NELL2: variants seen among roughly 807,000 people sequenced by gnomAD.
NELL2 encodes the protein protein kinase C-binding protein NELL2.
A neutral mutation model predicts 109.6 loss-of-function variants in NELL2; 41 were observed. The observed-to-expected ratio is 0.37, with a 90% CI of 0.29 to 0.49. The LOEUF (loss-of-function observed/expected upper bound fraction) is 0.49, where lower values mean the gene tolerates loss of function less well. NELL2 is among the 20% of genes least tolerant of loss of function. NELL2 has a pLI of 0.98. For missense variants in NELL2, 900 were observed against 1,008.3 expected, an observed-to-expected ratio of 0.89 and a Z score of 1.45; for synonymous variants, 355 against 344.7, an observed-to-expected ratio of 1.03 and a Z score of -0.33.
At chr12:44,521,446 C>T (rs923424291) in intron 18 of NELL2, among the ~76,000 whole-genome samples, 4 of 149,570 alleles carry the variant, frequency 2.7e-5, no homozygotes, top group African/African-American at 7.5e-5. Context: ...AGGAGAATGG[C>T]GTGAACCCGG....
chr12:44,915,366 T>C (rs1485944190), upstream of NELL2, among the ~76,000 whole-genome samples: 1 of 152,252 alleles, frequency 6.6e-6, no homozygotes, highest in Non-Finnish European at 1.5e-5. Flanking sequence ...CATTGCTTTC[T>C]AATTGAATTT....
At chr12:44,580,669 C>T (rs1441004018) in intron 15 of NELL2, among the ~76,000 whole-genome samples, 7 of 152,068 alleles carry the variant, frequency 4.6e-5, no homozygotes, top group African/African-American at 1.2e-4. Context: ...GCCAAAATCG[C>T]GCTACTGCAC....
At chr12:44,784,367 A>G (rs1942082206) in intron 3 of NELL2, among the ~76,000 whole-genome samples, 1 of 152,064 alleles carries the variant, frequency 6.6e-6, no homozygotes, top group African/African-American at 2.4e-5. Context: ...GAAAGAAAAG[A>G]AAAAGAATAC....
At chr12:44,572,140 G>T (rs1943895242) in intron 15 of NELL2, among the ~76,000 whole-genome samples, 1 of 151,718 alleles carries the variant, frequency 6.6e-6, no homozygotes, top group Non-Finnish European at 1.5e-5. Context: ...TTATTCAAAT[G>T]TTATTTATTT....
At chr12:44,832,123 T>TTTC (rs1177189128) in intron 2 of NELL2, among the ~76,000 whole-genome samples, 29 of 152,286 alleles carry the variant, frequency 1.9e-4, no homozygotes, top group Admixed American at 5.2e-4. Flanking sequence ...CTACAAGCAT[T>TTTC]TAAAAATGTA....
intron 13 of NELL2, among the ~76,000 whole-genome samples, chr12:44,621,862 T>C (rs1946073269): frequency 6.6e-6 from 1 of 152,006 alleles, no homozygotes; most frequent in Non-Finnish European, 1.5e-5. Flanking sequence ...TTTCATAGAG[T>C]TGTGAGGCTC....
At position 44,522,171 on chromosome 12, in the gene NELL2, T is replaced by C. The variant is rs1317220523; in HGVS notation, c.2004A>G (p.Gly668=). The C allele has an allele frequency of 1.9e-6, 3 of 1,612,848 alleles. No homozygotes were observed. The highest frequency in any genetic ancestry group is 2.2e-5 in the East Asian group (1 of 44,854). Residue 668 remains glycine (G), a synonymous_variant, in exon 18 of 20, where the codon GGA becomes GGG. Transcript: ENST00000429094. ...DRCSVCSCQN[G]FVMCRRMVCD... ...AGACCATCCGTCGACACATAACGAA[T>C]CCATTCTGTATGAAAAAGAAAAAAA...
rs1165159419 is a variant in NELL2, at chr12:44,875,840, G to T, written c.30C>A (p.Phe10Leu). 5.0e-6 allele frequency: 8 copies of T among 1,613,970 alleles called. No individual in the cohort carries two copies. The Admixed American group carries it at 8.3e-5, about 17-fold the overall frequency. The change falls in exon 1 of 20, where the codon TTC (phenylalanine) becomes TTA (leucine). Residue 10 changes from phenylalanine (F) to leucine (L), a missense_variant. Around this residue, in one of 4 missense-constraint regions of NELL2, gnomAD observed 200 missense variants for 191.8 expected, o/e 1.04. Transcript: ENST00000429094. MESRVLLRTFCLIFGLGAVW... is the reference protein window; with the variant it reads MESRVLLRTLCLIFGLGAVW... ...CTGCTCCGAGACCGAAGATCAAACA[G>T]AATGTTCTCAGTAAGACCCGAGACT...
intron 9 of NELL2, among the ~76,000 whole-genome samples, chr12:44,745,055 T>C (rs1473674747): frequency 1.3e-5 from 2 of 152,198 alleles, no homozygotes; most frequent in African/African-American, 4.8e-5. Flanking sequence ...AAATCCTACA[T>C]AAAATACTGG....
chr12:44,804,528 G>A (rs980143583), intron 3 of NELL2, among the ~76,000 whole-genome samples: 5 of 151,706 alleles, frequency 3.3e-5, no homozygotes, highest in African/African-American at 1.2e-4. Context: ...GTAACTAAAG[G>A]AAATAGCAAA....
At chr12:44,792,901 C>T (rs1198020422) in intron 3 of NELL2, among the ~76,000 whole-genome samples, 1 of 152,096 alleles carries the variant, frequency 6.6e-6, no homozygotes, top group Non-Finnish European at 1.5e-5. Flanking sequence ...AATAATAGCA[C>T]AAATTGGCAA....
intron 13 of NELL2, among the ~76,000 whole-genome samples, chr12:44,630,530 C>T (rs1250501489): frequency 6.6e-6 from 1 of 152,124 alleles, no homozygotes; most frequent in African/African-American, 2.4e-5. Context: ...AGATCAACCC[C>T]AGCCACATGG....
chr12:44,895,415 C>A (rs1945581570), intron 1 of NELL2, among the ~76,000 whole-genome samples: 1 of 152,004 alleles, frequency 6.6e-6, no homozygotes, highest in African/African-American at 2.4e-5. Context: ...TTTTCATTTT[C>A]TGCTTCTATT....
chr12:44,572,169 C>T (rs958257356), intron 15 of NELL2, among the ~76,000 whole-genome samples: 2 of 151,942 alleles, frequency 1.3e-5, no homozygotes, highest in South Asian at 2.1e-4. Flanking sequence ...TTAGACAAGG[C>T]CTCACTCTGT....
At chr12:44,551,551 C>T (rs1943045064) in intron 15 of NELL2, among the ~76,000 whole-genome samples, 1 of 152,164 alleles carries the variant, frequency 6.6e-6, no homozygotes, top group Non-Finnish European at 1.5e-5. Context: ...TCTCTCTCCT[C>T]TCTCAATGGC....
At chr12:44,658,709 T>C (rs1356192484) in intron 13 of NELL2, among the ~76,000 whole-genome samples, 1 of 151,344 alleles carries the variant, frequency 6.6e-6, no homozygotes, top group Non-Finnish European at 1.5e-5. Flanking sequence ...ACCCTGTCTC[T>C]ACTAAAAATA....
intron 15 of NELL2, among the ~76,000 whole-genome samples, chr12:44,596,644 A>T (rs915027899): frequency 1.3e-5 from 2 of 152,134 alleles, no homozygotes; most frequent in Non-Finnish European, 2.9e-5. Context: ...TATGTTGCCC[A>T]GGCTGGTCTT....
intron 3 of NELL2, among the ~76,000 whole-genome samples, chr12:44,797,104 A>G (rs1202719511): frequency 6.6e-6 from 1 of 152,170 alleles, no homozygotes; most frequent in Non-Finnish European, 1.5e-5. Context: ...AGCACTGATA[A>G]TAAGTGCGGT....
intron 5 of NELL2, 119 bp downstream of exon 5, chr12:44,779,544 C>A (rs923569224): frequency 3.9e-6 from 3 of 778,870 alleles, no homozygotes; most frequent in Non-Finnish European, 6.1e-6. Context: ...GAAACAGACA[C>A]AAATTTTCTA....
Sources: gnomAD v4.1 joint callset for allele counts (sites outside exome capture counted in the v4.1 genomes callset) on GRCh38, gnomAD v4.1.1 for gene constraint, gnomAD v4.1.1 regional missense constraint, MANE v1.5 for transcripts, NCBI Gene and HGNC (gene_info 2026-07-23, HGNC 2026-07-21) for gene names.